The following C3orf70 variants were observed in gnomAD, a reference collection of about 807,000 sequenced individuals.
C3orf70 encodes UPF0524 protein C3orf70.
Under a neutral mutation model 20.7 loss-of-function variants are expected in C3orf70, and 15 were observed. The ratio of observed to expected loss-of-function variants is 0.72; its 90% CI spans 0.48 to 1.11. The LOEUF (loss-of-function observed/expected upper bound fraction) is 1.11, where lower values mean the gene tolerates loss of function less well. C3orf70 is among the 50% of genes most tolerant of loss of function. C3orf70 has a pLI of 0.00. For missense variants in C3orf70, 332 were observed against 317.6 expected (o/e 1.05, Z -0.34); for synonymous variants, 161 against 125.7 (o/e 1.28, Z -1.88).
At chr3:185,151,892 C>T (rs1716995370) in intron 1 of C3orf70, among the ~76,000 whole-genome samples, 1 of 152,168 alleles carries the variant, frequency 6.6e-6, no homozygotes, top group African/African-American at 2.4e-5. Flanking sequence ...AAATCACAGG[C>T]AGGAGGCTAA....
intron 1 of C3orf70, among the ~76,000 whole-genome samples, chr3:185,090,950 C>A (rs991420700): frequency 6.6e-6 from 1 of 152,114 alleles, no homozygotes; most frequent in Admixed American, 6.5e-5. Context: ...TTTAGTGTGG[C>A]GGAACATATT....
At position 185,077,789 on chromosome 3, in the gene C3orf70, T is replaced by TGGGGGGGGG. The variant is rs10663284; in HGVS notation, c.*5209_*5217dup. 2.4e-5 allele frequency among the ~76,000 whole-genome samples: 3 copies of TGGGGGGGGG among 124,212 alleles called. No homozygotes were observed. The highest frequency in any genetic ancestry group is 3.0e-5 in the African/African-American group (1 of 33,790). The allele number at this position is 124,212 out of a possible 152,430, so 81.5% of individuals were successfully genotyped here. On this transcript the variant is annotated 3_prime_UTR_variant, in exon 2 of 2. Transcript: ENST00000335012. ...TGAAATAAATGCTATTTGGTGGTGG[T>TGGGGGGGGG]GGGGGGGGGGTATCAAGTTTTATTT...
chr3:185,083,885 A>C (rs993088941), intron 1 of C3orf70, among the ~76,000 whole-genome samples: 1 of 152,226 alleles, frequency 6.6e-6, no homozygotes, highest in Non-Finnish European at 1.5e-5. Context: ...ACTAGAACAA[A>C]AAAGGTCCAC....
At chr3:185,151,011 T>C (rs1319916223) in intron 1 of C3orf70, among the ~76,000 whole-genome samples, 1 of 152,232 alleles carries the variant, frequency 6.6e-6, no homozygotes, top group Non-Finnish European at 1.5e-5. Context: ...GTGCAAGACA[T>C]TCATATGTAT....
intron 1 of C3orf70, among the ~76,000 whole-genome samples, chr3:185,084,477 T>TG (rs750459352): frequency 6.6e-5 from 10 of 151,810 alleles, no homozygotes; most frequent in Non-Finnish European, 1.3e-4. Flanking sequence ...GGACCAAAGC[T>TG]CATCAGTGGC....
intron 1 of C3orf70, among the ~76,000 whole-genome samples, chr3:185,138,088 A>G (rs1716663915): frequency 6.6e-6 from 1 of 152,220 alleles, no homozygotes; most frequent in Non-Finnish European, 1.5e-5. Context: ...TGGAGACAAC[A>G]AAAGTATAGT....
In C3orf70 at chr3:185,133,800, C is replaced by T. The variant is rs567204394; in HGVS notation, c.196+18828G>A. ...CACATATATGCAACAAAGTAGCATG[C>T]AAGCATGAAGAAATGAGAAAGAAGC... On this transcript the variant is annotated intron_variant, in intron 1 of 1. Coordinates refer to ENST00000335012, the MANE Select transcript of C3orf70 (RefSeq NM_001025266.3). Among the ~76,000 whole-genome samples the T allele has an allele frequency of 3.3e-5, 5 of 152,018 alleles. No individual in the cohort carries two copies. The East Asian group carries it at 9.7e-4, about 29-fold the overall frequency.
At chr3:185,139,189 G>C (rs115921412) in intron 1 of C3orf70, among the ~76,000 whole-genome samples, 1,558 of 151,472 alleles carry the variant, frequency 0.01, 25 homozygotes, top group African/African-American at 0.035. Flanking sequence ...AAGGGGAGAG[G>C]GGGGAGGAGG....
rs1715230755 is a variant in C3orf70 at position 185,077,799 on chromosome 3, G to GGGGGGGA, written c.*5207_*5208insTCCCCCC. On this transcript the variant is annotated 3_prime_UTR_variant, in exon 2 of 2. Transcript: ENST00000335012. ...GCTATTTGGTGGTGGTGGGGGGGGG[G>GGGGGGGA]TATCAAGTTTTATTTGCTATAAACC... Among the ~76,000 whole-genome samples, 1 of 147,432 alleles carries GGGGGGGA rather than the reference G, an allele frequency of 6.8e-6. No individual in the cohort carries two copies. Among genetic ancestry groups the GGGGGGGA allele is most frequent in the Admixed American group, 6.8e-5 (1 of 14,804 alleles).
rs536513617 is a variant in C3orf70 at position 185,111,630 on chromosome 3, A to G, written c.197-28067T>C. On this transcript the variant is annotated intron_variant, in intron 1 of 1. Coordinates refer to ENST00000335012, the MANE Select transcript of C3orf70 (RefSeq NM_001025266.3). Reference sequence around the variant, plus strand: ...TCTGATAGTGGGGATGTAAAATGGTATACAGCTGCTTGGGAAAACTATTTT... The same window carrying G: ...TCTGATAGTGGGGATGTAAAATGGTGTACAGCTGCTTGGGAAAACTATTTT... Among the ~76,000 whole-genome samples the G allele has an allele frequency of 2.0e-5, 3 of 152,308 alleles. No individual in the cohort carries two copies. The East Asian group carries it at 5.8e-4, about 29-fold the overall frequency.
rs577102750 is a variant in C3orf70, at chr3:185,118,643, A to T, written c.196+33985T>A. Among the ~76,000 whole-genome samples the T allele has an allele frequency of 5.9e-5, 9 of 152,206 alleles. No homozygotes were observed. In the East Asian group the frequency reaches 7.7e-4, roughly 13 times the overall value. ...GCCCTAACATTTAAATTACACTAAA[A>T]TTTTTTCAGAAAAGACAATAACCTA... On this transcript the variant is annotated intron_variant, in intron 1 of 1. Coordinates refer to ENST00000335012, the MANE Select transcript of C3orf70 (RefSeq NM_001025266.3).
intron 1 of C3orf70, among the ~76,000 whole-genome samples, chr3:185,134,468 T>C (rs73190992): frequency 0.031 from 4,661 of 152,114 alleles, 117 homozygotes; most frequent in Non-Finnish European, 0.05. Context: ...AACCACACGG[T>C]AGTGAGTTCC....
At chr3:185,145,156 C>T (rs1716831535) in intron 1 of C3orf70, among the ~76,000 whole-genome samples, 1 of 152,220 alleles carries the variant, frequency 6.6e-6, no homozygotes, top group African/African-American at 2.4e-5. Context: ...GAATTAATAA[C>T]ACAATTTCCC....
In C3orf70 at chr3:185,080,316, C is replaced by G. The variant is rs1217692649; in HGVS notation, c.*2691G>C. On this transcript the variant is annotated 3_prime_UTR_variant, in exon 2 of 2. Transcript: ENST00000335012. ...AAATTCCATTAAAATTGTGTCTAAT[C>G]AGAATGGCAGTTCAGGAGTCTAAAA... is the stretch of plus-strand genomic sequence containing the variant. 1 of 152,610 alleles carries G rather than the reference C, an allele frequency of 6.6e-6. No homozygotes were observed. The highest frequency in any genetic ancestry group is 1.5e-5 in the Non-Finnish European group (1 of 68,046). The allele number at this position is 152,610 out of a possible 1,614,324, so 9.5% of individuals were successfully genotyped here. A position where few individuals can be genotyped will look rare whatever the true frequency, so the allele number is the denominator to read the frequency against.
rs547860513 is a variant in C3orf70 at position 185,136,680 on chromosome 3, C to T, written c.196+15948G>A. 7.6e-4 allele frequency among the ~76,000 whole-genome samples: 115 copies of T among 152,180 alleles called. 2 individuals carry two copies. Among genetic ancestry groups the T allele is most frequent in the African/African-American group, 2.5e-3 (105 of 41,534 alleles). On this transcript the variant is annotated intron_variant, in intron 1 of 1. Transcript: ENST00000335012. ...CGGAGCTTGCAGTGAGCCGAGATCG[C>T]GCCACAGCACTCCAGCCTGGGCGAC...
intron 1 of C3orf70, among the ~76,000 whole-genome samples, chr3:185,107,439 G>C (rs1371342295): frequency 2.6e-5 from 4 of 152,218 alleles, no homozygotes. Context: ...TATGGGACTA[G>C]AAAAAAATTT....
intron 1 of C3orf70, among the ~76,000 whole-genome samples, chr3:185,109,733 G>A (rs145461531): frequency 0.052 from 7,896 of 152,116 alleles, 664 homozygotes; most frequent in African/African-American, 0.18. Flanking sequence ...AATAATGCCT[G>A]GATGTAATCA....
intron 1 of C3orf70, among the ~76,000 whole-genome samples, chr3:185,104,104 T>C (rs1715876412): frequency 6.6e-6 from 1 of 152,332 alleles, no homozygotes; most frequent in Admixed American, 6.5e-5. Context: ...TGAGTTCAAC[T>C]GTAAAACGGC....
At chr3:185,142,978 G>C (rs1175439395) in intron 1 of C3orf70, among the ~76,000 whole-genome samples, 1 of 152,066 alleles carries the variant, frequency 6.6e-6, no homozygotes, top group Admixed American at 6.6e-5. Context: ...ATTAAAAGTG[G>C]CTAAAGTTAC....
Sources: allele counts gnomAD v4.1 joint callset (sites outside exome capture counted in the v4.1 genomes callset), GRCh38; gene constraint gnomAD v4.1.1; transcripts MANE v1.5; gene names NCBI Gene and HGNC (gene_info 2026-07-23, HGNC 2026-07-21).